The following CDH13 variants were observed in gnomAD, a reference collection of about 807,000 sequenced individuals.
CDH13 encodes the protein cadherin-13.
Under a neutral mutation model 63.8 loss-of-function variants are expected in CDH13, and 24 were observed. That is an observed-to-expected ratio of 0.38 (90% CI 0.27 to 0.53). The LOEUF is 0.53. Among genes scored for constraint, CDH13 ranks in the 20% least tolerant of loss-of-function variants. The probability of loss-of-function intolerance (pLI) is 0.85; values close to 1 mark genes in which losing one functional copy is unlikely to be tolerated. For synonymous variants in CDH13, 503 were observed against 355.3 expected (o/e 1.42, Z -4.67); for missense variants, 1,049 against 903.1 (o/e 1.16, Z -2.07).
intron 8 of CDH13, among the ~76,000 whole-genome samples, chr16:83,647,132 A>C (rs1029909810): frequency 3.3e-5 from 5 of 151,822 alleles, no homozygotes. Flanking sequence ...AACACGGTGA[A>C]ATCCCGTCTC....
chr16:82,949,477 T>A (rs2151320931), intron 2 of CDH13, among the ~76,000 whole-genome samples: 1 of 152,250 alleles, frequency 6.6e-6, no homozygotes, highest in East Asian at 1.9e-4. Flanking sequence ...GGGTTAGGAG[T>A]TGGACGTTTC....
intron 2 of CDH13, among the ~76,000 whole-genome samples, chr16:82,967,171 A>G (rs529345883): frequency 1.3e-5 from 2 of 152,152 alleles, no homozygotes; most frequent in Non-Finnish European, 2.9e-5. Context: ...AAGTACAAGC[A>G]AGGAACTTCC....
chr16:82,758,121 G>A (rs2034689525), intron 1 of CDH13, among the ~76,000 whole-genome samples: 1 of 152,050 alleles, frequency 6.6e-6, no homozygotes. Context: ...TAGTCTCCAA[G>A]GGACATTTTC....
chr16:82,718,879 A>G (rs2032572359), intron 1 of CDH13, among the ~76,000 whole-genome samples: 1 of 152,196 alleles, frequency 6.6e-6, no homozygotes, highest in African/African-American at 2.4e-5. Context: ...ACACAGCTAA[A>G]TCATATCAAG....
At chr16:83,170,522 T>A (rs558586276) in intron 4 of CDH13, among the ~76,000 whole-genome samples, 1 of 152,174 alleles carries the variant, frequency 6.6e-6, no homozygotes, top group South Asian at 2.1e-4. Flanking sequence ...CCAATTCCAC[T>A]CTATCAGCCT....
chr16:82,961,572 T>TAAAA lies in CDH13; in HGVS notation c.158-70417_158-70414dup, dbSNP rs71376305. Among the ~76,000 whole-genome samples, 287 of 103,358 alleles carry TAAAA rather than the reference T, an allele frequency of 2.8e-3. 2 individuals are homozygous for TAAAA. Among genetic ancestry groups the TAAAA allele is most frequent in the Middle Eastern group, 0.011 (2 of 190 alleles). The allele number at this position is 103,358 out of a possible 152,430, so 67.8% of individuals were successfully genotyped here. A position where few individuals can be genotyped will look rare whatever the true frequency, so the allele number is the denominator to read the frequency against. On this transcript the variant is annotated intron_variant, in intron 2 of 13. Transcript: ENST00000567109. ...TGTCCATAAGAATAAGCAGGGGACT[T>TAAAA]AAAAAAAAAAAAAAAAAAAAAAAAC...
Position 83,749,502 on chromosome 16 carries a change from A to G in CDH13, c.1681+1252A>G, listed in dbSNP as rs146088443. Among the ~76,000 whole-genome samples the G allele has an allele frequency of 2.0e-3, 302 of 152,380 alleles. 2 individuals carry two copies. The highest frequency in any genetic ancestry group is 6.9e-3 in the African/African-American group (288 of 41,606). Reference sequence around the variant, plus strand: ...GGAAAAAATAACTGTTGTGTCTGCTATAAGTGCGTATGTAGGAATCTATTT... The same window carrying G: ...GGAAAAAATAACTGTTGTGTCTGCTGTAAGTGCGTATGTAGGAATCTATTT... On this transcript the variant is annotated intron_variant, in intron 11 of 13. Coordinates refer to ENST00000567109, the MANE Select transcript of CDH13 (RefSeq NM_001257.5).
chr16:82,732,337 A>G (rs1203945185), intron 1 of CDH13, among the ~76,000 whole-genome samples: 1 of 152,194 alleles, frequency 6.6e-6, no homozygotes, highest in African/African-American at 2.4e-5. Flanking sequence ...TTAAGTACTA[A>G]TTCAGCAAGT....
chr16:83,033,045 C>T (rs1224527882), intron 3 of CDH13, among the ~76,000 whole-genome samples: 2 of 152,044 alleles, frequency 1.3e-5, no homozygotes, highest in South Asian at 4.1e-4. Flanking sequence ...ATATGTTGTA[C>T]ATGTATGTGT....
At chr16:83,107,922 C>G (rs66686461) in intron 3 of CDH13, among the ~76,000 whole-genome samples, 15,365 of 151,936 alleles carry the variant, frequency 0.1, 818 homozygotes, top group African/African-American at 0.11. Context: ...TGGATTCAAG[C>G]AATTCCCTGC....
chr16:82,879,235 C>G (rs958654614), intron 2 of CDH13, among the ~76,000 whole-genome samples: 2 of 152,026 alleles, frequency 1.3e-5, no homozygotes, highest in African/African-American at 4.8e-5. Context: ...TACTTACTAG[C>G]TCTGTAACCT....
intron 1 of CDH13, among the ~76,000 whole-genome samples, chr16:82,693,583 C>A (rs576105696): frequency 5.5e-4 from 84 of 152,318 alleles, no homozygotes; most frequent in Non-Finnish European, 9.0e-4. Flanking sequence ...TGTATAAGAA[C>A]CTCCAAGTAG....
rs553258961 is a variant in CDH13 at position 83,258,947 on chromosome 16, T to C, written c.636+41450T>C. On this transcript the variant is annotated intron_variant, in intron 5 of 13. Transcript: ENST00000567109. ...TTTGAAGAGGGTGAGTGCTATTCCA[T>C]TTGATACATAAACAAAAGGAATTGG... is the stretch of plus-strand genomic sequence containing the variant. Among the ~76,000 whole-genome samples, 433 of 152,340 alleles carry C rather than the reference T, an allele frequency of 2.8e-3. 1 individual carries two copies. The highest frequency in any genetic ancestry group is 9.8e-3 in the African/African-American group (408 of 41,572).
At chr16:83,585,330 G>A (rs1598331280) in intron 7 of CDH13, among the ~76,000 whole-genome samples, 1 of 152,290 alleles carries the variant, frequency 6.6e-6, no homozygotes, top group South Asian at 2.1e-4. Context: ...TAAGGCAAGG[G>A]CAGTGGGGAT....
chr16:83,707,428 A>G lies in CDH13; in HGVS notation c.1538+28967A>G, dbSNP rs1907249428. On this transcript the variant is annotated intron_variant, in intron 10 of 13. Coordinates refer to ENST00000567109, the MANE Select transcript of CDH13 (RefSeq NM_001257.5). ...ACACCAGGCACCTTCATCTCCTGTA[A>G]CCTATCTGCTCTCTGTGTACTGTCA... Among the ~76,000 whole-genome samples, 5 of 152,128 alleles carry G rather than the reference A, an allele frequency of 3.3e-5. No individual in the cohort carries two copies. In the South Asian group the frequency reaches 1.0e-3, roughly 32 times the overall value.
intron 10 of CDH13, among the ~76,000 whole-genome samples, chr16:83,739,383 T>C (rs1437781147): frequency 2.6e-5 from 4 of 152,224 alleles, no homozygotes; most frequent in Non-Finnish European, 4.4e-5. Context: ...AGCAGACTCC[T>C]GCAAGCTGGT....
At chr16:83,208,142 G>C (rs982923376) in intron 4 of CDH13, among the ~76,000 whole-genome samples, 16 of 152,190 alleles carry the variant, frequency 1.1e-4, no homozygotes, top group Admixed American at 7.2e-4. Context: ...TAAGGTGGGT[G>C]TGGAGCTTCT....
intron 3 of CDH13, among the ~76,000 whole-genome samples, chr16:83,093,795 A>C (rs1235548123): frequency 6.6e-6 from 1 of 152,224 alleles, no homozygotes; most frequent in Non-Finnish European, 1.5e-5. Context: ...TCTCAGTCGG[A>C]AAGCATGTAT....
At chr16:83,424,373 T>C (rs2071822623) in intron 6 of CDH13, among the ~76,000 whole-genome samples, 1 of 152,232 alleles carries the variant, frequency 6.6e-6, no homozygotes, top group East Asian at 1.9e-4. Flanking sequence ...TGGTTGCATA[T>C]CTGCAGTAGC....
Sources: allele counts gnomAD v4.1 joint callset (sites outside exome capture counted in the v4.1 genomes callset), GRCh38; gene constraint gnomAD v4.1.1; transcripts MANE v1.5; gene names NCBI Gene and HGNC (gene_info 2026-07-23, HGNC 2026-07-21).